UBE2D2: variants seen among roughly 807,000 people sequenced by gnomAD.
The protein encoded by UBE2D2 is ubiquitin conjugating enzyme E2 D2.
In UBE2D2, 2 loss-of-function variants were observed where a neutral mutation model predicts 24.2. That is an observed-to-expected ratio of 0.08 (90% CI 0.03 to 0.26). The LOEUF (loss-of-function observed/expected upper bound fraction) is 0.26, where lower values mean the gene tolerates loss of function less well. Among genes scored for constraint, UBE2D2 ranks in the 10% least tolerant of loss-of-function variants. The pLI is 1.00. For synonymous variants in UBE2D2, 58 were observed against 56.5 expected (o/e 1.03, Z -0.12); for missense variants, 44 against 177.6 (o/e 0.25, Z 4.28).
intron 2 of UBE2D2, among the ~76,000 whole-genome samples, chr5:139,609,835 G>A (rs1315524601): frequency 1.4e-5 from 2 of 147,842 alleles, no homozygotes; most frequent in African/African-American, 5.0e-5. Context: ...GCAGTGGCAC[G>A]ATCTCAGCTC....
At chr5:139,546,817 TCTTCCTTCCTTCCTTCCTTCCTTCCTTC>T (rs59929319) in intron 1 of UBE2D2, among the ~76,000 whole-genome samples, 1,484 of 138,408 alleles carry the variant, frequency 0.011, 17 homozygotes, top group Admixed American at 0.014. Context: ...CTTCTTTCTT[TCTTCCTTCCTTCCTTCCTTCCTTCCTTC>T]CTTCCTTCCT....
At position 139,627,407 on chromosome 5, in the gene UBE2D2, C is replaced by G. The variant is rs561292689; in HGVS notation, c.*606C>G. The G allele has an allele frequency of 2.0e-5, 3 of 152,714 alleles. No homozygotes were observed. The highest frequency in any genetic ancestry group is 4.4e-5 in the Non-Finnish European group (3 of 68,104). 9.5% of individuals were successfully genotyped at this position (152,714 alleles called of 1,614,324 possible). On this transcript the variant is annotated 3_prime_UTR_variant, in exon 7 of 7. Coordinates refer to ENST00000398733, the MANE Select transcript of UBE2D2 (RefSeq NM_003339.3). The stretch of plus-strand genomic sequence containing the variant: ...TACATCAAGTGTGATGGGCTTTGTT[C>G]CCAACTCTTTTACATCTCCCTACCC...
At chr5:139,548,694 A>T (rs185333564) in intron 1 of UBE2D2, among the ~76,000 whole-genome samples, 4 of 152,266 alleles carry the variant, frequency 2.6e-5, no homozygotes, top group Admixed American at 2.6e-4. Flanking sequence ...TTGTTATTTA[A>T]CCTCACAATC....
chr5:139,602,016 C>T (rs530261244), intron 2 of UBE2D2, among the ~76,000 whole-genome samples: 81 of 151,744 alleles, frequency 5.3e-4, no homozygotes, highest in South Asian at 1.5e-3. Context: ...AAAATGAGTA[C>T]ATGGTTAAAT....
chr5:139,614,061 CAAAAAAAA>C (rs34610126), intron 2 of UBE2D2, among the ~76,000 whole-genome samples: 1 of 89,222 alleles, frequency 1.1e-5, no homozygotes, highest in African/African-American at 3.9e-5. Flanking sequence ...GACTCTGTCT[CAAAAAAAA>C]AAAAAAAAAA....
chr5:139,604,879 C>CT (rs1476007393), intron 2 of UBE2D2, among the ~76,000 whole-genome samples: 1 of 140,916 alleles, frequency 7.1e-6, no homozygotes, highest in South Asian at 2.2e-4. Flanking sequence ...GACCCAGTCT[C>CT]TAAAAAAAAA....
intron 6 of UBE2D2, 86 bp downstream of exon 6, chr5:139,623,547 G>A (rs1028296429): frequency 1.3e-5 from 14 of 1,097,146 alleles, no homozygotes; most frequent in South Asian, 4.5e-5. Context: ...GCTGAATATC[G>A]GCCAGATATT....
chr5:139,557,836 G>A (rs968526539), upstream of UBE2D2, among the ~76,000 whole-genome samples: 1 of 152,060 alleles, frequency 6.6e-6, no homozygotes, highest in Non-Finnish European at 1.5e-5. Context: ...TCATTTCTAG[G>A]AGTTTATCCT....
At chr5:139,559,223 G>A (rs1249400632), upstream of UBE2D2, among the ~76,000 whole-genome samples, 2 of 152,002 alleles carry the variant, frequency 1.3e-5, no homozygotes, top group African/African-American at 2.4e-5. Flanking sequence ...TCAGGAGATT[G>A]AGACCATCCT....
chr5:139,584,390 C>G lies in UBE2D2; in HGVS notation c.25-15982C>G, dbSNP rs186022662. Reference sequence around the variant, plus strand: ...AGCTACACATTTCTCAGAATGTATGCCTTTCGTTAAGTTTAGCATGACTAT... The same window carrying G: ...AGCTACACATTTCTCAGAATGTATGGCTTTCGTTAAGTTTAGCATGACTAT... On this transcript the variant is annotated intron_variant, in intron 1 of 6. Transcript: ENST00000398733. Among the ~76,000 whole-genome samples the G allele has an allele frequency of 2.6e-4, 40 of 152,120 alleles. 1 individual carries two copies. Among genetic ancestry groups the G allele is most frequent in the African/African-American group, 9.2e-4 (38 of 41,502 alleles).
At chr5:139,619,890 A>G (rs1193022322) in intron 5 of UBE2D2, among the ~76,000 whole-genome samples, 1 of 151,868 alleles carries the variant, frequency 6.6e-6, no homozygotes, top group Non-Finnish European at 1.5e-5. Context: ...TAATTGGCTC[A>G]CAGTTCTGTG....
chr5:139,602,684 AAAC>A (rs369766587), intron 2 of UBE2D2, among the ~76,000 whole-genome samples: 7 of 152,100 alleles, frequency 4.6e-5, no homozygotes, highest in African/African-American at 7.2e-5. Flanking sequence ...CTCAAAACAA[AAAC>A]AACAACAACA....
intron 1 of UBE2D2, among the ~76,000 whole-genome samples, chr5:139,550,528 G>A (rs746418469): frequency 1.1e-4 from 17 of 152,246 alleles, no homozygotes; most frequent in South Asian, 2.1e-4. Context: ...GGCTGCCTGC[G>A]CTAGTAGTGG....
intron 1 of UBE2D2, among the ~76,000 whole-genome samples, chr5:139,576,640 T>C (rs1057052608): frequency 2.0e-5 from 3 of 152,096 alleles, no homozygotes; most frequent in Admixed American, 1.3e-4. Flanking sequence ...GTGCTGGGAT[T>C]ACAGGTATGA....
At chr5:139,577,817 C>T (rs1013413955) in intron 1 of UBE2D2, among the ~76,000 whole-genome samples, 2 of 152,192 alleles carry the variant, frequency 1.3e-5, no homozygotes, top group African/African-American at 4.8e-5. Context: ...CTCCCCCCAC[C>T]ACCACATTTT....
chr5:139,622,099 T>C (rs923666192), intron 5 of UBE2D2, among the ~76,000 whole-genome samples: 1 of 152,202 alleles, frequency 6.6e-6, no homozygotes, highest in Non-Finnish European at 1.5e-5. Flanking sequence ...AGTTCAGGCA[T>C]AAAGACAGTC....
chr5:139,610,688 C>G (rs375436103), intron 2 of UBE2D2, among the ~76,000 whole-genome samples: 39 of 151,808 alleles, frequency 2.6e-4, no homozygotes, highest in African/African-American at 8.5e-4. Context: ...GCCTGGGCAA[C>G]GTAACAAAAT....
intron 2 of UBE2D2, among the ~76,000 whole-genome samples, chr5:139,610,671 G>A (rs868206593): frequency 7.9e-5 from 12 of 151,668 alleles, no homozygotes; most frequent in Admixed American, 2.6e-4. Flanking sequence ...ATAGGAGTTC[G>A]AGACCAGCCT....
chr5:139,593,328 T>C (rs1753886545), intron 1 of UBE2D2, among the ~76,000 whole-genome samples: 1 of 152,160 alleles, frequency 6.6e-6, no homozygotes, highest in South Asian at 2.1e-4. Context: ...ACATTTCTAA[T>C]ATTTTAGATC....
Sources: allele counts gnomAD v4.1 joint callset (sites outside exome capture counted in the v4.1 genomes callset), GRCh38; gene constraint gnomAD v4.1.1; transcripts MANE v1.5; gene names NCBI Gene and HGNC (gene_info 2026-07-23, HGNC 2026-07-21).